Variants in ACTR3C observed in about 807,000 individuals in gnomAD.
The protein encoded by ACTR3C is actin-related protein 3C.
A neutral mutation model predicts 26.3 loss-of-function variants in ACTR3C; 18 were observed. That is an observed-to-expected ratio of 0.68 (90% confidence interval 0.47 to 1.01). The LOEUF is 1.01. Ranked by LOEUF, ACTR3C falls within the 50% of genes least tolerant of loss-of-function variation. ACTR3C has a pLI of 0.00. For missense variants in ACTR3C, 184 were observed against 250.7 expected (o/e 0.73, Z 1.80); for synonymous variants, 55 against 94.5 (o/e 0.58, Z 2.42).
At chr7:150,038,485 TCATA>T in the ACTR3C span, among the ~76,000 whole-genome samples, 1 of 143,766 alleles carries the variant, frequency 7.0e-6, no homozygotes, top group Non-Finnish European at 1.5e-5. Flanking sequence ...ATTTGTGACC[TCATA>T]CAAAGGCTTG....
the ACTR3C span, among the ~76,000 whole-genome samples, chr7:150,137,364 G>A: frequency 6.6e-6 from 1 of 152,136 alleles, no homozygotes; most frequent in Non-Finnish European, 1.5e-5. Flanking sequence ...CAAGACGAGG[G>A]AGAAATCATC....
chr7:150,004,655 A>T, the ACTR3C span: 1 of 152,232 alleles, frequency 6.6e-6, no homozygotes, highest in South Asian at 2.1e-4. Context: ...TAAGATATCA[A>T]AATGACTATC....
chr7:149,889,678 C>A, the ACTR3C span, among the ~76,000 whole-genome samples: 1 of 152,052 alleles, frequency 6.6e-6, no homozygotes. Flanking sequence ...TGGAGGCAAC[C>A]CCACCCCATC....
At chr7:150,032,815 C>T in the ACTR3C span, among the ~76,000 whole-genome samples, 3 of 151,704 alleles carry the variant, frequency 2.0e-5, no homozygotes, top group Admixed American at 6.6e-5. Context: ...CTCTGTAGGT[C>T]GTCGTGGAAT....
the ACTR3C span, among the ~76,000 whole-genome samples, chr7:150,102,390 C>G: frequency 3.3e-5 from 5 of 151,974 alleles, no homozygotes; most frequent in African/African-American, 9.7e-5. Flanking sequence ...ATTGAATATT[C>G]AGGAACTTAT....
At chr7:150,178,616 T>C in the ACTR3C span, among the ~76,000 whole-genome samples, 3 of 150,516 alleles carry the variant, frequency 2.0e-5, no homozygotes, top group Non-Finnish European at 4.4e-5. Context: ...TTGAGACCCA[T>C]ACACATGTAG....
chr7:150,136,104 C>T, the ACTR3C span, among the ~76,000 whole-genome samples: 12 of 152,098 alleles, frequency 7.9e-5, no homozygotes, highest in Non-Finnish European at 1.6e-4. Context: ...CTGTCATGCC[C>T]CTACATCTCC....
At chr7:150,019,599 A>T in the ACTR3C span, among the ~76,000 whole-genome samples, 24 of 109,808 alleles carry the variant, frequency 2.2e-4, no homozygotes, top group African/African-American at 4.8e-4. Context: ...TCAAAAATAA[A>T]AATAATAATA....
the ACTR3C span, among the ~76,000 whole-genome samples, chr7:150,021,304 T>C: frequency 2.0e-5 from 3 of 151,932 alleles, no homozygotes; most frequent in African/African-American, 7.3e-5. Flanking sequence ...AGCCTATATA[T>C]TGAAACTTTT....
At chr7:150,032,680 TATC>T in the ACTR3C span, among the ~76,000 whole-genome samples, 2 of 135,938 alleles carry the variant, frequency 1.5e-5, no homozygotes, top group Non-Finnish European at 3.4e-5. Context: ...GTTTTGGGAA[TATC>T]ATGTCAGCAC....
intron 6 of ACTR3C, among the ~76,000 whole-genome samples, chr7:150,278,164 T>G (rs34623713): frequency 0.2 from 29,660 of 152,030 alleles, 4,111 homozygotes; most frequent in African/African-American, 0.37. Flanking sequence ...TTCACCCTAG[T>G]GCTGCAACAC....
the ACTR3C span, among the ~76,000 whole-genome samples, chr7:150,192,731 T>G: frequency 2.0e-5 from 3 of 152,236 alleles, no homozygotes; most frequent in African/African-American, 7.2e-5. Flanking sequence ...TTTGGCAAGC[T>G]TCCAAATTAC....
downstream of ACTR3C, among the ~76,000 whole-genome samples, chr7:150,241,353 T>C (rs888783082): frequency 6.6e-6 from 1 of 152,180 alleles, no homozygotes; most frequent in Non-Finnish European, 1.5e-5. Flanking sequence ...CAACTCATTT[T>C]CAAGAGATTT....
chr7:150,292,122 A>T (rs1310722418), intron 3 of ACTR3C, among the ~76,000 whole-genome samples: 1 of 150,482 alleles, frequency 6.6e-6, no homozygotes, highest in Non-Finnish European at 1.5e-5. Flanking sequence ...ATGATTTTTG[A>T]AAATCCTAAT....
chr7:149,939,315 A>C, the ACTR3C span, among the ~76,000 whole-genome samples: 2 of 152,176 alleles, frequency 1.3e-5, no homozygotes, highest in South Asian at 4.1e-4. Context: ...GTTATGGAGA[A>C]ATATTAAAGT....
chr7:149,885,026 G>T, the ACTR3C span, among the ~76,000 whole-genome samples: 6 of 152,036 alleles, frequency 3.9e-5, no homozygotes, highest in Non-Finnish European at 8.8e-5. Context: ...TGTGGGGGAG[G>T]GGGAGCACGG....
the ACTR3C span, among the ~76,000 whole-genome samples, chr7:149,975,694 A>G: frequency 2.0e-5 from 3 of 152,214 alleles, no homozygotes; most frequent in African/African-American, 4.8e-5. Context: ...ACAGTTCCAC[A>G]TGGCTGGGAG....
the ACTR3C span, among the ~76,000 whole-genome samples, chr7:150,122,890 A>G: frequency 6.6e-6 from 1 of 151,316 alleles, no homozygotes; most frequent in South Asian, 2.1e-4. Context: ...CATATACACC[A>G]TGGAATACTA....
At chr7:150,109,291 C>T in the ACTR3C span, among the ~76,000 whole-genome samples, 1 of 152,006 alleles carries the variant, frequency 6.6e-6, no homozygotes, top group East Asian at 1.9e-4. Flanking sequence ...TATTTATTTT[C>T]TTCTATGGAT....
Sources: allele counts gnomAD v4.1 joint callset (sites outside exome capture counted in the v4.1 genomes callset), GRCh38; gene constraint gnomAD v4.1.1; transcripts MANE v1.5; gene names NCBI Gene and HGNC (gene_info 2026-07-23, HGNC 2026-07-21).